Variants in SORT1 observed in about 807,000 individuals in gnomAD.
The protein encoded by SORT1 is sortilin.
Under a neutral mutation model 101.7 loss-of-function variants are expected in SORT1, and 39 were observed. The observed-to-expected ratio is 0.38, with a 90% CI of 0.30 to 0.50. SORT1 has a LOEUF of 0.50. SORT1 is among the 20% of genes least tolerant of loss of function. SORT1 has a pLI of 0.90. For synonymous variants in SORT1, 396 were observed against 393.7 expected (o/e 1.01, Z -0.07); for missense variants, 878 against 1,040.4 (o/e 0.84, Z 2.15).
intron 3 of SORT1, among the ~76,000 whole-genome samples, chr1:109,363,446 TG>T (rs1480471631): frequency 6.6e-6 from 1 of 152,206 alleles, no homozygotes; most frequent in Non-Finnish European, 1.5e-5. Flanking sequence ...CATATGTGTG[TG>T]TATGCATGTA....
rs1289984637 is a variant in SORT1 at position 109,314,304 on chromosome 1, G to C, written c.2438C>G (p.Ala813Gly). 1 of 1,613,840 alleles carries C rather than the reference G, an allele frequency of 6.2e-7. No individual in the cohort carries two copies. The highest frequency in any genetic ancestry group is 8.5e-7 in the Non-Finnish European group (1 of 1,179,982). The stretch of plus-strand genomic sequence containing the variant: ...ATAACCACTTTTATTAGTGTGGGAG[G>C]CTGTGTCCAAAGCATCCACACCATC... ...GVDGVDALDT[A>G]SHTNKSGYHD... The change falls in exon 19 of 20, where the codon GCC (alanine) becomes GGC (glycine). Residue 813 changes from alanine (A) to glycine (G), a missense_variant. Around this residue, in one of 2 missense-constraint regions of SORT1, gnomAD observed 684 missense variants for 894.5 expected, o/e 0.76. Transcript: ENST00000256637.
chr1:109,367,341 GA>G, intron 3 of SORT1, 66 bp downstream of exon 3: 1 of 939,652 alleles, frequency 1.1e-6, no homozygotes, highest in Admixed American at 2.1e-5. Flanking sequence ...ATCATGTCTA[GA>G]AAAGGGAGAA....
rs1464429525 is a variant in SORT1, at chr1:109,392,535, T to G, written c.306+5052A>C. On this transcript the variant is annotated intron_variant, in intron 1 of 19. Transcript: ENST00000256637. ...CACAAGCAGACATGAGACTCAGATT[T>G]CTAATTAAAAATCACTGTGCACAGA... 8 of 848,854 alleles carry G rather than the reference T, an allele frequency of 9.4e-6. No homozygotes were observed. The South Asian group carries it at 3.8e-4, about 40-fold the overall frequency. The allele number at this position is 848,854 out of a possible 1,614,324, so 52.6% of individuals were successfully genotyped here.
chr1:109,324,507 T>C lies in SORT1; in HGVS notation c.1834+392A>G, dbSNP rs144613075. Among the ~76,000 whole-genome samples, 5 of 152,322 alleles carry C rather than the reference T, an allele frequency of 3.3e-5. No homozygotes were observed. The East Asian group carries it at 5.8e-4, about 18-fold the overall frequency. Reference sequence around the variant, plus strand: ...GAGGTTAGGGTTTGCTTGTGACACTTTGGAAACACTGTGCAATGAACATTG... The same window carrying C: ...GAGGTTAGGGTTTGCTTGTGACACTCTGGAAACACTGTGCAATGAACATTG... On this transcript the variant is annotated intron_variant, in intron 14 of 19. Coordinates refer to ENST00000256637, the MANE Select transcript of SORT1 (RefSeq NM_002959.7).
intron 15 of SORT1, among the ~76,000 whole-genome samples, chr1:109,320,742 T>A (rs1349670017): frequency 6.6e-6 from 1 of 152,234 alleles, no homozygotes; most frequent in African/African-American, 2.4e-5. Context: ...TCACTTTTCA[T>A]TACCTGCGCA....
intron 15 of SORT1, among the ~76,000 whole-genome samples, chr1:109,321,241 G>A (rs975339965): frequency 6.6e-6 from 1 of 152,098 alleles, no homozygotes; most frequent in Non-Finnish European, 1.5e-5. Flanking sequence ...GCTGTAATAG[G>A]GGAACTCTGG....
chr1:109,354,428 G>C lies in SORT1; in HGVS notation c.647C>G (p.Pro216Arg). 6.2e-7 allele frequency: 1 copy of C among 1,612,210 alleles called. No individual in the cohort carries two copies. Among genetic ancestry groups the C allele is most frequent in the Non-Finnish European group, 8.5e-7 (1 of 1,178,286 alleles). The part of the protein sequence containing the change: ...NFVQTDLPFH[P>R]LTQMMYSPQN... ...AGGGCTATACATCATCTGAGTGAGA[G>C]GATGAAAAGGGAGATCTGTTTGCAC... The change falls in exon 5 of 20, where the codon CCT (proline) becomes CGT (arginine). Residue 216 changes from proline to arginine, a missense_variant. Pro to Arg is a moderately radical substitution (Grantham distance 103). Transcript: ENST00000256637.
intron 11 of SORT1, among the ~76,000 whole-genome samples, chr1:109,331,426 T>C (rs1251523574): frequency 6.6e-6 from 1 of 152,026 alleles, no homozygotes; most frequent in Non-Finnish European, 1.5e-5. Context: ...CCATTCATGA[T>C]AAAAACTCTC....
At chr1:109,382,624 T>C (rs1652313198) in intron 1 of SORT1, among the ~76,000 whole-genome samples, 1 of 152,186 alleles carries the variant, frequency 6.6e-6, no homozygotes, top group African/African-American at 2.4e-5. Context: ...TTCAGAGCCT[T>C]TTGTCCATTA....
At chr1:109,369,396 T>A (rs1312929148) in intron 2 of SORT1, 134 bp downstream of exon 2, 3 of 649,424 alleles carry the variant, frequency 4.6e-6, no homozygotes, top group African/African-American at 1.8e-5. Flanking sequence ...AAAGTCTGTC[T>A]TGCAAACATG....
chr1:109,332,451 G>A (rs1171328148), intron 11 of SORT1, among the ~76,000 whole-genome samples: 1 of 152,042 alleles, frequency 6.6e-6, no homozygotes, highest in Non-Finnish European at 1.5e-5. Context: ...AGGTGTGGTG[G>A]TACACACCTA....
intron 11 of SORT1, among the ~76,000 whole-genome samples, chr1:109,328,237 C>G (rs6695482): frequency 0.65 from 98,539 of 152,078 alleles, 33,765 homozygotes; most frequent in East Asian, 0.96. Context: ...CTGCTTTCAA[C>G]TCTTTTGGAT....
intron 8 of SORT1, among the ~76,000 whole-genome samples, chr1:109,344,569 T>C (rs4970843): frequency 0.38 from 57,194 of 152,130 alleles, 13,217 homozygotes; most frequent in East Asian, 0.6. Context: ...AAGTTCTTGT[T>C]TCACTTAGGT....
chr1:109,393,712 A>G (rs549814121), intron 1 of SORT1, among the ~76,000 whole-genome samples: 35 of 152,348 alleles, frequency 2.3e-4, no homozygotes, highest in South Asian at 8.3e-4. Context: ...TTTATAAATG[A>G]TAGCTAATTG....
intron 10 of SORT1, among the ~76,000 whole-genome samples, chr1:109,339,166 C>T (rs1382316743): frequency 3.3e-5 from 5 of 152,134 alleles, no homozygotes; most frequent in Non-Finnish European, 5.9e-5. Context: ...TGTGAGCCAC[C>T]GCGCCCAGCG....
chr1:109,373,871 G>C (rs1166830395), intron 1 of SORT1, among the ~76,000 whole-genome samples: 1 of 152,078 alleles, frequency 6.6e-6, no homozygotes, highest in Non-Finnish European at 1.5e-5. Flanking sequence ...ATCACTTGAG[G>C]CCAGGAGTTC....
At chr1:109,390,039 G>C (rs186086229) in intron 1 of SORT1, 7 of 152,172 alleles carry the variant, frequency 4.6e-5, no homozygotes, top group Admixed American at 4.6e-4. Context: ...GGAAACCTTA[G>C]TCATACTCCC....
In SORT1 at chr1:109,310,890, G is replaced by A. The variant is rs1658688901; in HGVS notation, c.*3153C>T. On this transcript the variant is annotated 3_prime_UTR_variant, in exon 20 of 20. Transcript: ENST00000256637. ...TACAGACTCGATGCAGGAGCTGGAGGTGGCCAGCACATTACCAGCCTGTCA... is the reference window on the plus strand; with the variant it reads ...TACAGACTCGATGCAGGAGCTGGAGATGGCCAGCACATTACCAGCCTGTCA... 6.6e-6 allele frequency: 1 copy of A among 152,194 alleles called. No homozygotes were observed. The highest frequency in any genetic ancestry group is 2.4e-5 in the African/African-American group (1 of 41,432). 9.4% of individuals were successfully genotyped at this position (152,194 alleles called of 1,614,324 possible).
intron 1 of SORT1, among the ~76,000 whole-genome samples, chr1:109,391,853 G>A (rs1383754019): frequency 6.6e-6 from 1 of 152,186 alleles, no homozygotes; most frequent in Admixed American, 6.5e-5. Flanking sequence ...CACATAGTGG[G>A]AAGAACAAGT....
Sources: allele counts gnomAD v4.1 joint callset (sites outside exome capture counted in the v4.1 genomes callset), GRCh38; gene constraint gnomAD v4.1.1; regional missense constraint gnomAD v4.1.1; transcripts MANE v1.5; gene names NCBI Gene and HGNC (gene_info 2026-07-23, HGNC 2026-07-21).